CARS2: variants seen among roughly 807,000 people sequenced by gnomAD.
CARS2 encodes the protein cysteinyl-tRNA synthetase 2, mitochondrial.
CARS2 carries 52 observed loss-of-function variants against 68.8 expected under a neutral mutation model. The observed-to-expected ratio is 0.76, with a 90% CI of 0.61 to 0.95. The LOEUF (loss-of-function observed/expected upper bound fraction) is 0.95, where lower values mean the gene tolerates loss of function less well. Among genes scored for constraint, CARS2 ranks in the 40% least tolerant of loss-of-function variants. CARS2 has a pLI of 0.00. For missense variants in CARS2, 780 were observed against 754.2 expected (o/e 1.03, Z -0.40); for synonymous variants, 314 against 303.6 (o/e 1.03, Z -0.36).
chr13:110,692,402 C>T (rs112096700), intron 3 of CARS2, among the ~76,000 whole-genome samples: 1 of 150,484 alleles, frequency 6.6e-6, no homozygotes, highest in Admixed American at 6.6e-5. Flanking sequence ...ACCCGGGAGG[C>T]GGAGGTTGCG....
In CARS2 at chr13:110,701,461, T is replaced by G; in HGVS notation, c.370A>C (p.Lys124Gln). The change falls in exon 3 of 15, where the codon AAA becomes CAA. Residue 124 changes from lysine (K) to glutamine (Q), a missense_variant. Transcript: ENST00000257347. Reference sequence around the variant, plus strand: ...ACCTCATTGGCTCTTTTGATGATTTTATCATCTACATCTGTAATACCCATC... The same window carrying G: ...ACCTCATTGGCTCTTTTGATGATTTGATCATCTACATCTGTAATACCCATC... The part of the protein sequence containing the change: ...MVMGITDVDD[K>Q]IIKRANEMNI... 1 of 1,530,194 alleles carries G rather than the reference T, an allele frequency of 6.5e-7. No homozygotes were observed. The highest frequency in any genetic ancestry group is 9.1e-7 in the Non-Finnish European group (1 of 1,103,368). The allele number at this position is 1,530,194 out of a possible 1,614,324, so 94.8% of individuals were successfully genotyped here. A position where few individuals can be genotyped will look rare whatever the true frequency, so the allele number is the denominator to read the frequency against.
At chr13:110,703,175 G>A (rs759331378) in intron 2 of CARS2, among the ~76,000 whole-genome samples, 25 of 152,116 alleles carry the variant, frequency 1.6e-4, no homozygotes, top group Non-Finnish European at 2.8e-4. Flanking sequence ...TATTTTTCAG[G>A]GTGTCTCTTT....
Position 110,667,478 on chromosome 13 carries a change from A to C in CARS2, c.786-5T>G. ...AGTTGACTTCCAAATACCATACTGC[A>C]AGACACAGTGCAAAGTAGTGAATTC... On this transcript the variant is annotated splice_polypyrimidine_tract_variant and splice_region_variant and intron_variant, in intron 7 of 14. Coordinates refer to ENST00000257347, the MANE Select transcript of CARS2 (RefSeq NM_024537.4). 6.2e-7 allele frequency: 1 copy of C among 1,613,362 alleles called. No individual in the cohort carries two copies. Among genetic ancestry groups the C allele is most frequent in the Non-Finnish European group, 8.5e-7 (1 of 1,179,670 alleles).
chr13:110,656,072 G>A (rs776279297), intron 9 of CARS2, among the ~76,000 whole-genome samples: 1 of 152,206 alleles, frequency 6.6e-6, no homozygotes, highest in African/African-American at 2.4e-5. Context: ...TTGGGAGGCC[G>A]AGGCAGGTGG....
chr13:110,676,011 C>T lies in CARS2; in HGVS notation c.785+963G>A, dbSNP rs902488866. On this transcript the variant is annotated intron_variant, in intron 7 of 14. Coordinates refer to ENST00000257347, the MANE Select transcript of CARS2 (RefSeq NM_024537.4). This position sits in a 1 kb window ranked among gnomAD's most constrained non-coding sequence, Gnocchi z 4.0. ...TCTCTACTAAAAATACAAAATTAGCCGGGGTGGTGGCGCATGCCAGTAATC... is the reference window on the plus strand; with the variant it reads ...TCTCTACTAAAAATACAAAATTAGCTGGGGTGGTGGCGCATGCCAGTAATC... 9.9e-5 allele frequency among the ~76,000 whole-genome samples: 15 copies of T among 152,162 alleles called. No homozygotes were observed. Among genetic ancestry groups the T allele is most frequent in the African/African-American group, 2.9e-4 (12 of 41,442 alleles).
intron 6 of CARS2, among the ~76,000 whole-genome samples, chr13:110,678,302 C>G (rs1227001483): frequency 1.3e-5 from 2 of 152,156 alleles, no homozygotes; most frequent in Non-Finnish European, 2.9e-5. Context: ...GCTTATGGAC[C>G]CGAGACTCTG....
Position 110,641,612 on chromosome 13 carries a change from G to GAGA in CARS2, c.1624-7_1624-5dup, listed in dbSNP as rs763325378. 1.1e-5 allele frequency: 17 copies of GAGA among 1,612,348 alleles called. No homozygotes were observed. The South Asian group carries it at 1.4e-4, about 14-fold the overall frequency. Reference sequence around the variant, plus strand: ...TGGATGTTGTACTGCTTCTGTCCTGGAGAAGAAGAGTGAGGTCCAACTCTG... The same window carrying GAGA: ...TGGATGTTGTACTGCTTCTGTCCTGGAGAAGAAGAAGAGTGAGGTCCAACTCTG... On this transcript the variant is annotated splice_region_variant and splice_polypyrimidine_tract_variant and intron_variant, in intron 14 of 14. Transcript: ENST00000257347.
intron 3 of CARS2, among the ~76,000 whole-genome samples, chr13:110,696,146 A>C (rs992352586): frequency 1.3e-5 from 2 of 152,212 alleles, no homozygotes. Flanking sequence ...TCCATGTGCC[A>C]CATTTTCTTC....
At chr13:110,713,505 C>T in exon 1 of CARS2, 1 of 986,884 alleles carries the variant, frequency 1.0e-6, no homozygotes, top group Non-Finnish European at 1.2e-6. Context: ...CTCCGCGACC[C>T]TCGCCTCTGG....
intron 9 of CARS2, among the ~76,000 whole-genome samples, chr13:110,658,646 G>T (rs988291829): frequency 6.6e-6 from 1 of 152,206 alleles, no homozygotes; most frequent in Non-Finnish European, 1.5e-5. Context: ...AAACAGGCCA[G>T]GCGCAGTGAC....
In CARS2 at chr13:110,684,911, A is replaced by G. The variant is rs553517584; in HGVS notation, c.572-1777T>C. On this transcript the variant is annotated intron_variant, in intron 5 of 14. Transcript: ENST00000257347. Reference sequence around the variant, plus strand: ...CCTTGTGGAATTGTAACAAAGTCCAAATTACTGGGGTTTGATTGAATGTAA... The same window carrying G: ...CCTTGTGGAATTGTAACAAAGTCCAGATTACTGGGGTTTGATTGAATGTAA... Among the ~76,000 whole-genome samples the G allele has an allele frequency of 6.6e-5, 10 of 152,318 alleles. No homozygotes were observed. The South Asian group carries it at 1.9e-3, about 28-fold the overall frequency.
intron 3 of CARS2, among the ~76,000 whole-genome samples, chr13:110,700,264 AG>A (rs753378405): frequency 6.6e-6 from 1 of 152,268 alleles, no homozygotes; most frequent in Non-Finnish European, 1.5e-5. Context: ...AGGAGACAAC[AG>A]GACTCTGGAA....
chr13:110,668,372 T>G lies in CARS2; in HGVS notation c.786-899A>C, dbSNP rs975474453. 6.6e-6 allele frequency among the ~76,000 whole-genome samples: 1 copy of G among 151,664 alleles called. No individual in the cohort carries two copies. The highest frequency in any genetic ancestry group is 1.5e-5 in the Non-Finnish European group (1 of 67,940). On this transcript the variant is annotated intron_variant, in intron 7 of 14. Coordinates refer to ENST00000257347, the MANE Select transcript of CARS2 (RefSeq NM_024537.4). This position sits in a 1 kb window ranked among gnomAD's most constrained non-coding sequence, Gnocchi z 4.1. ...TCCTGGCTAACATGGTGAAACCCCG[T>G]CTCCACTAAAATACAAAAAATCAGC...
rs752309070 is a variant in CARS2, at chr13:110,677,031, GC to G, written c.727del (p.Ala243ProfsTer34). The stretch of plus-strand genomic sequence containing the variant: ...CGGCCTCCCGGGTCCCCAGGGAGAG[GC>G]CCAGAACACCTCCTGGGGTTTGGCC... Reference protein sequence around the residue: ...KAAKPQEVFWASPWGPGRPGW... With the variant: ...KAAKPQEVFWXSPWGPGRPGW... On this transcript the variant is annotated frameshift_variant, in exon 7 of 15. Transcript: ENST00000257347. LOFTEE classifies it high-confidence loss of function. 18 of 1,609,980 alleles carry G rather than the reference GC, an allele frequency of 1.1e-5. No homozygotes were observed. The highest frequency in any genetic ancestry group is 1.4e-5 in the Non-Finnish European group (17 of 1,177,036).
At chr13:110,692,386 G>A (rs977502602) in intron 3 of CARS2, among the ~76,000 whole-genome samples, 2 of 149,698 alleles carry the variant, frequency 1.3e-5, no homozygotes, top group African/African-American at 4.9e-5. Context: ...CAGGAGAATC[G>A]CCTGAACCCG....
At chr13:110,692,035 C>CATAT (rs749625373) in intron 3 of CARS2, among the ~76,000 whole-genome samples, 207 of 56,012 alleles carry the variant, frequency 3.7e-3, no homozygotes, top group Non-Finnish European at 5.3e-3. Flanking sequence ...CACACACACA[C>CATAT]ATATATATAT....
chr13:110,684,054 G>A (rs9583525), intron 5 of CARS2, among the ~76,000 whole-genome samples: 5,017 of 152,220 alleles, frequency 0.033, 295 homozygotes, highest in African/African-American at 0.11. Context: ...CAAGAAGAAA[G>A]CACTACCAAC....
chr13:110,666,941 A>G, intron 8 of CARS2: 5 of 985,456 alleles, frequency 5.1e-6, no homozygotes, highest in Non-Finnish European at 6.0e-6. Flanking sequence ...GGGGTTCATC[A>G]GTTAGGTGTT....
chr13:110,704,906 C>T (rs72663405), intron 2 of CARS2, among the ~76,000 whole-genome samples: 7,039 of 152,130 alleles, frequency 0.046, 257 homozygotes, highest in Middle Eastern at 0.16. Context: ...GGAGGCAGTA[C>T]ATCTTACAGT....
Sources: allele counts gnomAD v4.1 joint callset (sites outside exome capture counted in the v4.1 genomes callset), GRCh38; gene constraint gnomAD v4.1.1; non-coding constraint Gnocchi (gnomAD v3.1); transcripts MANE v1.5; gene names NCBI Gene and HGNC (gene_info 2026-07-23, HGNC 2026-07-21).